HSPA14: variants seen among roughly 807,000 people sequenced by gnomAD.
HSPA14 encodes the protein heat shock protein family A (Hsp70) member 14, also known as heat shock 70 kDa protein 14.
In HSPA14, 37 loss-of-function variants were observed where a neutral mutation model predicts 65.5. The ratio of observed to expected loss-of-function variants is 0.56; its 90% CI spans 0.43 to 0.74. The LOEUF (loss-of-function observed/expected upper bound fraction) is 0.74. Among genes scored for constraint, HSPA14 ranks in the 30% least tolerant of loss-of-function variants. The pLI is 0.00. For synonymous variants in HSPA14, 203 were observed against 214.2 expected (o/e 0.95, Z 0.46); for missense variants, 564 against 607.6 (o/e 0.93, Z 0.75).
At chr10:14,868,164 T>C (rs1195694019) in intron 12 of HSPA14, among the ~76,000 whole-genome samples, 1 of 152,202 alleles carries the variant, frequency 6.6e-6, no homozygotes, top group Non-Finnish European at 1.5e-5. Context: ...TGGCCTACCT[T>C]GGTAGTTAGG....
chr10:14,862,376 CTTTTT>C (rs753404160), intron 10 of HSPA14, among the ~76,000 whole-genome samples: 2 of 128,650 alleles, frequency 1.6e-5, no homozygotes, highest in Admixed American at 7.9e-5. Context: ...CTTTTCTTTT[CTTTTT>C]TTTTTTTTTT....
chr10:14,868,991 C>T (rs377051969), intron 12 of HSPA14, among the ~76,000 whole-genome samples: 3 of 152,056 alleles, frequency 2.0e-5, no homozygotes, highest in South Asian at 2.1e-4. Context: ...GGACTACAGG[C>T]GCCCACCACC....
At chr10:14,843,646 A>G (rs914541595) in intron 3 of HSPA14, 8 of 1,549,820 alleles carry the variant, frequency 5.2e-6, no homozygotes, top group Admixed American at 3.9e-5. Flanking sequence ...GGCCAGGACT[A>G]TCGCAGCCGA....
At chr10:14,848,768 A>G (rs749748267) in intron 4 of HSPA14, 22 bp from the exon 5 acceptor site, 13 of 1,453,566 alleles carry the variant, frequency 8.9e-6, no homozygotes, top group Non-Finnish European at 1.1e-5. Context: ...TTTATTTAGC[A>G]TAATTGTAAT....
chr10:14,862,231 T>G (rs1215326778), intron 10 of HSPA14, among the ~76,000 whole-genome samples: 1 of 150,952 alleles, frequency 6.6e-6, no homozygotes, highest in Non-Finnish European at 1.5e-5. Context: ...GGTTTCACCG[T>G]GTTAGCCAGC....
At position 14,869,618 on chromosome 10, in the gene HSPA14, CAA is replaced by C. The variant is rs1354213333; in HGVS notation, c.1381-976_1381-975del. 2.0e-5 allele frequency among the ~76,000 whole-genome samples: 3 copies of C among 152,264 alleles called. No individual in the cohort carries two copies. The East Asian group carries it at 5.8e-4, about 29-fold the overall frequency. ...CCACATATTTATTTTCTAATTCCAACAAAAGAGTAATGAAAACACACACATGC... is the reference window on the plus strand; with the variant it reads ...CCACATATTTATTTTCTAATTCCAACAAGAGTAATGAAAACACACACATGC... On this transcript the variant is annotated intron_variant, in intron 12 of 13. Transcript: ENST00000378372.
Position 14,838,422 on chromosome 10 carries a change from A to T in HSPA14, c.20A>T (p.His7Leu). The change falls in exon 1 of 14, where the codon CAC becomes CTC. Residue 7 changes from histidine (H) to leucine (L), a missense_variant. Coordinates refer to ENST00000378372, the MANE Select transcript of HSPA14 (RefSeq NM_016299.4). ...TGCCTCATGGCGGCCATCGGAGTTC[A>T]CCTGGGCTGCACCTCAGCCTGTGTG... is the stretch of plus-strand genomic sequence containing the variant. MAAIGV[H>L]LGCTSACVAV... The T allele has an allele frequency of 6.2e-7, 1 of 1,605,976 alleles. No individual in the cohort carries two copies. Among genetic ancestry groups the T allele is most frequent in the African/African-American group, 1.3e-5 (1 of 74,994 alleles).
At chr10:14,851,766 C>T (rs1362977436) in intron 7 of HSPA14, among the ~76,000 whole-genome samples, 1 of 152,168 alleles carries the variant, frequency 6.6e-6, no homozygotes, top group Non-Finnish European at 1.5e-5. Context: ...CCTAATATAG[C>T]TGTCAATATG....
In HSPA14 at chr10:14,849,757, A is replaced by T. The variant is rs1255163101; in HGVS notation, c.413A>T (p.Asp138Val). The change falls in exon 6 of 14, where the codon GAT (aspartate) becomes GTT (valine). Residue 138 changes from aspartate (D) to valine (V), a missense_variant. Transcript: ENST00000378372. ...TCTGTATTGGGCTCAGATGCAAATG[A>T]TGTAGTTATTACTGTCCCGTTTGAT... Reference protein sequence around the residue: ...AHSVLGSDANDVVITVPFDFG... With the variant: ...AHSVLGSDANVVVITVPFDFG... 4 of 1,613,388 alleles carry T rather than the reference A, an allele frequency of 2.5e-6. No homozygotes were observed. The highest frequency in any genetic ancestry group is 3.4e-6 in the Non-Finnish European group (4 of 1,179,746).
Position 14,851,244 on chromosome 10 carries a change from A to G in HSPA14, c.493A>G (p.Asn165Asp). ...AGAAGCAGCTAGAGCTGCTGGATTT[A>G]ATGTTTTGCGATTAATTCACGAACC... is the stretch of plus-strand genomic sequence containing the variant. Reference protein sequence around the residue: ...LGEAARAAGFNVLRLIHEPSA... With the variant: ...LGEAARAAGFDVLRLIHEPSA... Residue 165 changes from asparagine to aspartate, a missense_variant, in exon 7 of 14, where the codon AAT (asparagine) becomes GAT (aspartate). Asn to Asp is a conservative substitution (Grantham distance 23, BLOSUM62 1). Coordinates refer to ENST00000378372, the MANE Select transcript of HSPA14 (RefSeq NM_016299.4). 4 of 1,609,896 alleles carry G rather than the reference A, an allele frequency of 2.5e-6. No homozygotes were observed. The South Asian group carries it at 4.4e-5, about 18-fold the overall frequency.
intron 10 of HSPA14, among the ~76,000 whole-genome samples, chr10:14,857,855 T>C (rs1832719234): frequency 6.6e-6 from 1 of 152,242 alleles, no homozygotes; most frequent in Admixed American, 6.5e-5. Flanking sequence ...ATGTCTGCTA[T>C]GTTGTGACAA....
intron 10 of HSPA14, among the ~76,000 whole-genome samples, chr10:14,856,151 ATTCCT>A (rs779853369): frequency 3.5e-4 from 53 of 152,232 alleles, no homozygotes; most frequent in Non-Finnish European, 6.2e-4. Flanking sequence ...AAACAGAATA[ATTCCT>A]TTCCAGTATA....
Position 14,841,597 on chromosome 10 carries a change from AAT to A in HSPA14, c.221+1443_221+1444del, listed in dbSNP as rs1170709186. ...ATAGATCTCTCCCCTGGTAGCCAAC[AAT>A]ATGTTACTGTTTGTTTTATGCTGCT... is the stretch of plus-strand genomic sequence containing the variant. On this transcript the variant is annotated intron_variant, in intron 3 of 13. Transcript: ENST00000378372. Among the ~76,000 whole-genome samples, 3 of 152,220 alleles carry A rather than the reference AAT, an allele frequency of 2.0e-5. No homozygotes were observed. In the East Asian group the frequency reaches 5.8e-4, roughly 29 times the overall value.
intron 3 of HSPA14, among the ~76,000 whole-genome samples, chr10:14,848,078 G>T (rs1834076192): frequency 6.6e-6 from 1 of 152,204 alleles, no homozygotes; most frequent in Admixed American, 6.5e-5. Context: ...TTTGTAGTCT[G>T]CATAAGTTGC....
At chr10:14,843,795 A>G (rs1314889303) in intron 3 of HSPA14, 4 of 1,536,328 alleles carry the variant, frequency 2.6e-6, no homozygotes, top group Non-Finnish European at 8.7e-7. Context: ...CTGTCATCGC[A>G]GTCAGACGTT....
At chr10:14,866,719 TA>T (rs879480775) in intron 10 of HSPA14, among the ~76,000 whole-genome samples, 7 of 150,012 alleles carry the variant, frequency 4.7e-5, no homozygotes, top group Admixed American at 6.7e-5. Flanking sequence ...TTCAAACTTT[TA>T]AAAAAAAAAC....
At chr10:14,841,567 T>C (rs1833971614) in intron 3 of HSPA14, among the ~76,000 whole-genome samples, 1 of 152,206 alleles carries the variant, frequency 6.6e-6, no homozygotes, top group African/African-American at 2.4e-5. Flanking sequence ...ATACAGAACA[T>C]TTCCATAGAT....
At chr10:14,871,115 A>G (rs1373168764) in intron 13 of HSPA14, among the ~76,000 whole-genome samples, 1 of 152,226 alleles carries the variant, frequency 6.6e-6, no homozygotes, top group African/African-American at 2.4e-5. Context: ...ATTACAAGTA[A>G]ATCCTTTCCA....
At chr10:14,857,783 T>C (rs1832718767) in intron 10 of HSPA14, among the ~76,000 whole-genome samples, 1 of 152,226 alleles carries the variant, frequency 6.6e-6, no homozygotes, top group Non-Finnish European at 1.5e-5. Flanking sequence ...ATGGCAAATA[T>C]GAAATATACT....
Sources: allele counts gnomAD v4.1 joint callset (sites outside exome capture counted in the v4.1 genomes callset), GRCh38; gene constraint gnomAD v4.1.1; transcripts MANE v1.5; gene names NCBI Gene and HGNC (gene_info 2026-07-23, HGNC 2026-07-21).